Variants in SNRPA1 observed in about 807,000 individuals in gnomAD.
SNRPA1 encodes U2 small nuclear ribonucleoprotein A'.
A neutral mutation model predicts 32.3 loss-of-function variants in SNRPA1; 5 were observed. That is an observed-to-expected ratio of 0.15 (90% CI 0.08 to 0.33). The LOEUF is 0.33. Ranked by LOEUF, SNRPA1 falls within the 10% of genes least tolerant of loss-of-function variation. SNRPA1 has a pLI of 1.00. For synonymous variants in SNRPA1, 111 were observed against 120.1 expected (o/e 0.92, Z 0.50); for missense variants, 198 against 311.1 (o/e 0.64, Z 2.74).
chr15:101,295,237 G>T lies in SNRPA1; in HGVS notation c.-59C>A. 1 of 1,388,164 alleles carries T rather than the reference G, an allele frequency of 7.2e-7. No individual in the cohort carries two copies. Among genetic ancestry groups the T allele is most frequent in the South Asian group, 1.4e-5 (1 of 71,356 alleles). 86.0% of individuals were successfully genotyped at this position (1,388,164 alleles called of 1,614,324 possible). A position where few individuals can be genotyped will look rare whatever the true frequency, so the allele number is the denominator to read the frequency against. On this transcript the variant is annotated 5_prime_UTR_variant, in exon 1 of 9. Transcript: ENST00000254193. The stretch of plus-strand genomic sequence containing the variant: ...GCCCGTGGCCTCCCGCCAGCGAGAC[G>T]TCCCAGCGTGCCCCGCGCCCCGCCG...
chr15:101,284,432 G>A (rs189835853), intron 8 of SNRPA1, among the ~76,000 whole-genome samples: 27 of 152,114 alleles, frequency 1.8e-4, no homozygotes, highest in African/African-American at 6.0e-4. Context: ...GCACTCCATG[G>A]CTGAAGTAAT....
intron 8 of SNRPA1, chr15:101,284,744 C>T (rs1049512001): frequency 2.9e-5 from 11 of 376,272 alleles, no homozygotes; most frequent in African/African-American, 1.2e-4. Context: ...TCAGGTGATC[C>T]GCCCGCCTCA....
intron 3 of SNRPA1, among the ~76,000 whole-genome samples, chr15:101,289,057 A>G (rs909486111): frequency 1.3e-5 from 2 of 152,244 alleles, no homozygotes; most frequent in African/African-American, 4.8e-5. Flanking sequence ...GAAATTCTCA[A>G]AAAGCAAGCT....
At chr15:101,288,929 C>G (rs1364183474) in intron 3 of SNRPA1, among the ~76,000 whole-genome samples, 1 of 151,988 alleles carries the variant, frequency 6.6e-6, no homozygotes, top group East Asian at 1.9e-4. Context: ...ACGGCCCTGC[C>G]CTGAAGAGAA....
chr15:101,295,165 G>A lies in SNRPA1; in HGVS notation c.14C>T (p.Thr5Met), dbSNP rs772555366. The A allele has an allele frequency of 5.8e-6, 9 of 1,554,662 alleles. No individual in the cohort carries two copies. Among genetic ancestry groups the A allele is most frequent in the South Asian group, 3.6e-5 (3 of 84,234 alleles). Reference sequence around the variant, plus strand: ...CGCCGCCTGCTCGATCAGCTCCGCCGTCAGCTTGACCATCCTGCAGCCTCC... The same window carrying A: ...CGCCGCCTGCTCGATCAGCTCCGCCATCAGCTTGACCATCCTGCAGCCTCC... The part of the protein sequence containing the change: MVKL[T>M]AELIEQAAQY... Residue 5 changes from threonine (T) to methionine (M), a missense_variant, in exon 1 of 9, where the codon ACG becomes ATG. By Grantham distance (81) the Thr-to-Met change is moderately conservative. Around this residue, in one of 3 missense-constraint regions of SNRPA1, gnomAD observed 119 missense variants for 171.6 expected, o/e 0.69. Coordinates refer to ENST00000254193, the MANE Select transcript of SNRPA1 (RefSeq NM_003090.4).
intron 1 of SNRPA1, 23 bp downstream of exon 1, chr15:101,295,074 G>C (rs2039573657): frequency 1.4e-6 from 2 of 1,434,048 alleles, no homozygotes; most frequent in Non-Finnish European, 1.9e-6. Flanking sequence ...CTGGGGACTG[G>C]CCGCCCACGC....
At chr15:101,292,332 G>C (rs1325625315) in intron 2 of SNRPA1, among the ~76,000 whole-genome samples, 1 of 152,112 alleles carries the variant, frequency 6.6e-6, no homozygotes, top group African/African-American at 2.4e-5. Flanking sequence ...ATGATTTTTT[G>C]TGCAGGCAGC....
intron 3 of SNRPA1, chr15:101,288,089 C>T (rs1194444630): frequency 2.3e-5 from 5 of 214,142 alleles, no homozygotes; most frequent in Admixed American, 2.1e-4. Context: ...CTGCTAGCGC[C>T]AGCTTCAGCG....
Position 101,285,426 on chromosome 15 carries a change from G to T in SNRPA1, c.615+300C>A, listed in dbSNP as rs560517234. 2.0e-5 allele frequency among the ~76,000 whole-genome samples: 3 copies of T among 152,288 alleles called. No homozygotes were observed. The South Asian group carries it at 6.2e-4, about 32-fold the overall frequency. The stretch of plus-strand genomic sequence containing the variant: ...AGGATTTGCCAGACAGCAAATCTTC[G>T]AAAGTAAAAATTAAGGCAAACACTG... On this transcript the variant is annotated intron_variant, in intron 7 of 8. Transcript: ENST00000254193.
At chr15:101,290,129 G>C (rs2039505779) in intron 3 of SNRPA1, among the ~76,000 whole-genome samples, 1 of 152,034 alleles carries the variant, frequency 6.6e-6, no homozygotes, top group Non-Finnish European at 1.5e-5. Flanking sequence ...ATAATAAAAA[G>C]TTTCCGTTCA....
At chr15:101,286,651 T>A in intron 5 of SNRPA1, 1 of 482,534 alleles carries the variant, frequency 2.1e-6, no homozygotes, top group Non-Finnish European at 3.7e-6. Context: ...GACAATCCAC[T>A]GTTAAGACTG....
At chr15:101,282,174 CTT>C (rs988097622) in intron 8 of SNRPA1, among the ~76,000 whole-genome samples, 1 of 152,194 alleles carries the variant, frequency 6.6e-6, no homozygotes, top group African/African-American at 2.4e-5. Flanking sequence ...AGTTCAATGA[CTT>C]TATTGTCTCT....
At chr15:101,283,113 G>C (rs2039415103) in intron 8 of SNRPA1, among the ~76,000 whole-genome samples, 1 of 152,228 alleles carries the variant, frequency 6.6e-6, no homozygotes, top group South Asian at 2.1e-4. Context: ...GCTACTGGGA[G>C]TGCAGAGCAG....
At chr15:101,284,211 G>A (rs1596469608) in intron 8 of SNRPA1, among the ~76,000 whole-genome samples, 1 of 151,990 alleles carries the variant, frequency 6.6e-6, no homozygotes, top group Non-Finnish European at 1.5e-5. Context: ...TCAGCCTCTC[G>A]GCAACCTTTT....
intron 5 of SNRPA1, chr15:101,286,627 A>T: frequency 2.2e-6 from 1 of 460,580 alleles, no homozygotes; most frequent in Non-Finnish European, 3.8e-6. Context: ...CTCCGCTGGG[A>T]ACGTATCTAG....
intron 3 of SNRPA1, among the ~76,000 whole-genome samples, chr15:101,291,380 C>T (rs1293380868): frequency 6.6e-6 from 1 of 152,136 alleles, no homozygotes; most frequent in African/African-American, 2.4e-5. Context: ...AGATTTAATG[C>T]ATATCAGATA....
chr15:101,287,604 A>G (rs1217678897), intron 4 of SNRPA1, 52 bp downstream of exon 4: 6 of 1,477,392 alleles, frequency 4.1e-6, no homozygotes, highest in Non-Finnish European at 5.7e-6. Flanking sequence ...GGCTGGTAAA[A>G]GTAATGTTAT....
intron 3 of SNRPA1, chr15:101,289,781 A>C (rs2039499564): frequency 6.8e-6 from 1 of 146,468 alleles, no homozygotes; most frequent in Non-Finnish European, 1.5e-5. Context: ...AAAAAAAAAA[A>C]TACAAAAATT....
chr15:101,286,782 C>A, intron 5 of SNRPA1, 126 bp downstream of exon 5: 1 of 607,844 alleles, frequency 1.6e-6, no homozygotes, highest in Non-Finnish European at 3.0e-6. Context: ...AACATTTTCC[C>A]TCCCACTTTT....
Sources: gnomAD v4.1 joint callset for allele counts (sites outside exome capture counted in the v4.1 genomes callset) on GRCh38, gnomAD v4.1.1 for gene constraint, gnomAD v4.1.1 regional missense constraint, MANE v1.5 for transcripts, NCBI Gene and HGNC (gene_info 2026-07-23, HGNC 2026-07-21) for gene names.